The following CPO variants were observed in gnomAD, a reference collection of about 807,000 sequenced individuals.
CPO encodes carboxypeptidase O.
Under a neutral mutation model 41.2 loss-of-function variants are expected in CPO, and 43 were observed. The ratio of observed to expected loss-of-function variants is 1.04; its 90% CI spans 0.82 to 1.35. CPO has a LOEUF of 1.35. Ranked by LOEUF, CPO falls within the 40% of genes most tolerant of loss-of-function variation. The probability of loss-of-function intolerance (pLI) is 0.00; values close to 1 mark genes in which losing one functional copy is unlikely to be tolerated. For missense variants in CPO, 408 were observed against 451.7 expected, an observed-to-expected ratio of 0.90 and a Z score of 0.88; for synonymous variants, 178 against 162.7, an observed-to-expected ratio of 1.09 and a Z score of -0.72.
chr2:206,948,148 T>TA (rs764797269), intron 1 of CPO, among the ~76,000 whole-genome samples: 1 of 152,224 alleles, frequency 6.6e-6, no homozygotes, highest in Non-Finnish European at 1.5e-5. Context: ...GCTTTATTCA[T>TA]AACTGCCATA....
At chr2:206,968,044 AT>A (rs1693618257) in intron 7 of CPO, among the ~76,000 whole-genome samples, 1 of 152,220 alleles carries the variant, frequency 6.6e-6, no homozygotes, top group Non-Finnish European at 1.5e-5. Flanking sequence ...GCCCAGAAAT[AT>A]GAAAGTCAGA....
chr2:206,969,182 T>C lies in CPO; in HGVS notation c.871T>C (p.Ser291Pro), dbSNP rs1419290706. Reference protein sequence around the residue: ...GSSADILYASSGSSRDWARDI... With the variant: ...GSSADILYASPGSSRDWARDI... ...CATGTTTTCACCTGTAGATGCCTCA[T>C]CAGGGTCTTCAAGAGATTGGGCCCG... Residue 291 changes from serine to proline, a missense_variant, in exon 9 of 9, where the codon TCA becomes CCA. By Grantham distance (74) the Ser-to-Pro change is moderately conservative. Coordinates refer to ENST00000272852, the MANE Select transcript of CPO (RefSeq NM_173077.3). 8 of 1,614,002 alleles carry C rather than the reference T, an allele frequency of 5.0e-6. No individual in the cohort carries two copies. Among genetic ancestry groups the C allele is most frequent in the Non-Finnish European group, 6.8e-6 (8 of 1,179,968 alleles).
At chr2:206,945,722 A>G (rs1031762556) in intron 1 of CPO, among the ~76,000 whole-genome samples, 3 of 152,198 alleles carry the variant, frequency 2.0e-5, no homozygotes, top group Non-Finnish European at 4.4e-5. Flanking sequence ...TGTTTGTTAA[A>G]AAATAAAGCA....
chr2:206,958,927 G>A (rs1055131220), intron 4 of CPO, among the ~76,000 whole-genome samples: 2 of 151,684 alleles, frequency 1.3e-5, no homozygotes, highest in African/African-American at 4.8e-5. Context: ...TTTTAGTAGA[G>A]ATGGGGTTTC....
intron 2 of CPO, among the ~76,000 whole-genome samples, chr2:206,950,635 T>A (rs912578867): frequency 6.6e-6 from 1 of 152,250 alleles, no homozygotes; most frequent in East Asian, 1.9e-4. Context: ...ACATGTATGT[T>A]TATTGTGGCA....
intron 1 of CPO, among the ~76,000 whole-genome samples, chr2:206,942,584 T>C (rs1693049319): frequency 6.6e-6 from 1 of 152,178 alleles, no homozygotes; most frequent in South Asian, 2.1e-4. Flanking sequence ...CCATCATCTT[T>C]GATCTGCAGA....
intron 2 of CPO, among the ~76,000 whole-genome samples, chr2:206,951,880 G>C (rs561226927): frequency 6.6e-6 from 1 of 152,302 alleles, no homozygotes; most frequent in East Asian, 1.9e-4. Context: ...GCTGCTATTT[G>C]TAGCTCTCTC....
chr2:206,949,463 T>A (rs1336390676), intron 1 of CPO, among the ~76,000 whole-genome samples, 154 bp from the exon 2 acceptor site: 3 of 152,232 alleles, frequency 2.0e-5, no homozygotes, highest in Non-Finnish European at 2.9e-5. Context: ...CAAGGTCTCA[T>A]AATTAGTAAG....
rs56929748 is a variant in CPO at position 206,945,446 on chromosome 2, T to G, written c.69-4171T>G. On this transcript the variant is annotated intron_variant, in intron 1 of 8. Transcript: ENST00000272852. ...AATATAACCCCATTTCTTGCTTACA[T>G]AGGGCATTTAAACTAGGAAACTAAG... 3.8e-3 allele frequency among the ~76,000 whole-genome samples: 577 copies of G among 152,294 alleles called. 6 individuals carry two copies. Among genetic ancestry groups the G allele is most frequent in the African/African-American group, 0.013 (553 of 41,576 alleles).
chr2:206,960,874 G>A lies in CPO; in HGVS notation c.506G>A (p.Arg169His), dbSNP rs370230012. Residue 169 changes from arginine to histidine, a missense_variant, in exon 6 of 9, where the codon CGT (arginine) becomes CAT (histidine). Arg to His is a conservative substitution (Grantham distance 29). Coordinates refer to ENST00000272852, the MANE Select transcript of CPO (RefSeq NM_173077.3). The part of the protein sequence containing the change: ...WTTDRLWRKS[R>H]SPHNNGTCFG... ...CAGGATCGTCTTTGGAGGAAATCCC[G>A]TTCACCCCATAATAATGGCACATGT... 3.2e-5 allele frequency: 52 copies of A among 1,613,348 alleles called. No homozygotes were observed. Among genetic ancestry groups the A allele is most frequent in the Non-Finnish European group, 3.8e-5 (45 of 1,179,478 alleles).
chr2:206,945,524 T>C (rs1483857975), intron 1 of CPO, among the ~76,000 whole-genome samples: 1 of 152,326 alleles, frequency 6.6e-6, no homozygotes, highest in East Asian at 1.9e-4. Flanking sequence ...CTGTATGACT[T>C]ACTAGCTCTG....
At chr2:206,963,974 C>A (rs1055616292) in intron 7 of CPO, among the ~76,000 whole-genome samples, 43 of 152,180 alleles carry the variant, frequency 2.8e-4, no homozygotes, top group Non-Finnish European at 4.9e-4. Flanking sequence ...ATAAGGGTTT[C>A]TCCACATTCT....
At chr2:206,961,433 T>C (rs538390768) in intron 6 of CPO, among the ~76,000 whole-genome samples, 16 of 152,138 alleles carry the variant, frequency 1.1e-4, no homozygotes, top group Non-Finnish European at 1.9e-4. Context: ...GGGTTAAAAT[T>C]GAGACTTGGC....
intron 1 of CPO, among the ~76,000 whole-genome samples, chr2:206,942,892 T>G (rs1213166379): frequency 1.3e-5 from 2 of 152,168 alleles, no homozygotes; most frequent in South Asian, 2.1e-4. Context: ...CATATACAAG[T>G]GATAAGCATT....
chr2:206,944,643 T>A (rs1438067187), intron 1 of CPO, among the ~76,000 whole-genome samples: 1 of 152,036 alleles, frequency 6.6e-6, no homozygotes. Context: ...GACAAGCTAA[T>A]AGGGCAAACT....
In CPO at chr2:206,949,471, A is replaced by G. The variant is rs1574348139; in HGVS notation, c.69-146A>G. The G allele has an allele frequency of 7.1e-6, 4 of 564,800 alleles. No homozygotes were observed. In the East Asian group the frequency reaches 8.8e-5, roughly 12 times the overall value. 35.0% of individuals were successfully genotyped at this position (564,800 alleles called of 1,614,324 possible). A position where few individuals can be genotyped will look rare whatever the true frequency, so the allele number is the denominator to read the frequency against. ...GGCTGCCCAAGGTCTCATAATTAGT[A>G]AGTCACAGAGCCAAAGACTCCAACA... On this transcript the variant is annotated intron_variant, in intron 1 of 8. Coordinates refer to ENST00000272852, the MANE Select transcript of CPO (RefSeq NM_173077.3).
At chr2:206,957,367 C>T (rs1346274847) in intron 3 of CPO, among the ~76,000 whole-genome samples, 2 of 142,016 alleles carry the variant, frequency 1.4e-5, no homozygotes, top group African/African-American at 2.5e-5. Context: ...CAGAGCGAGA[C>T]TCTGTCTCAA....
intron 3 of CPO, among the ~76,000 whole-genome samples, chr2:206,956,256 C>T (rs200587670): frequency 1.3e-5 from 2 of 152,186 alleles, no homozygotes; most frequent in East Asian, 3.9e-4. Context: ...TATGCCTAGA[C>T]CCCACCTAAT....
intron 1 of CPO, among the ~76,000 whole-genome samples, chr2:206,941,849 G>C (rs1693035088): frequency 6.6e-6 from 1 of 152,008 alleles, no homozygotes; most frequent in Non-Finnish European, 1.5e-5. Flanking sequence ...TCTCCCATAT[G>C]TTATATATTG....
Sources: gnomAD v4.1 joint callset for allele counts (sites outside exome capture counted in the v4.1 genomes callset) on GRCh38, gnomAD v4.1.1 for gene constraint, MANE v1.5 for transcripts, NCBI Gene and HGNC (gene_info 2026-07-23, HGNC 2026-07-21) for gene names.